ATP9B: variants seen among roughly 807,000 people sequenced by gnomAD.
The protein encoded by ATP9B is ATPase phospholipid transporting 9B.
ATP9B carries 110 observed loss-of-function variants against 146.1 expected under a neutral mutation model. That is an observed-to-expected ratio of 0.75 (90% CI 0.65 to 0.88). The LOEUF is 0.88. Among genes scored for constraint, ATP9B ranks in the 40% least tolerant of loss-of-function variants. The pLI is 0.00. For synonymous variants in ATP9B, 604 were observed against 569.7 expected (o/e 1.06, Z -0.86); for missense variants, 1,499 against 1,496.4 (o/e 1.00, Z -0.03).
At chr18:79,135,967 T>C (rs1270736969) in intron 5 of ATP9B, among the ~76,000 whole-genome samples, 2 of 152,204 alleles carry the variant, frequency 1.3e-5, no homozygotes, top group African/African-American at 4.8e-5. Flanking sequence ...TTCTGCTCCA[T>C]TGATCTGTTT....
chr18:79,154,352 A>T, intron 6 of ATP9B, 152 bp from the exon 7 acceptor site: 1 of 575,562 alleles, frequency 1.7e-6, no homozygotes, highest in South Asian at 2.8e-5. Context: ...TTAAAATATC[A>T]ATTTTTTATA....
chr18:79,081,525 G>C (rs2073259730), intron 1 of ATP9B, among the ~76,000 whole-genome samples: 2 of 151,414 alleles, frequency 1.3e-5, no homozygotes, highest in South Asian at 4.2e-4. Context: ...AGTCTGGCTA[G>C]TGGTCTATCT....
chr18:79,127,519 G>A (rs2094307292), intron 5 of ATP9B, among the ~76,000 whole-genome samples: 1 of 152,182 alleles, frequency 6.6e-6, no homozygotes, highest in Non-Finnish European at 1.5e-5. Context: ...AGGTTCATCT[G>A]GTAGTAGCAT....
intron 8 of ATP9B, among the ~76,000 whole-genome samples, chr18:79,190,621 G>A (rs2095356984): frequency 6.6e-6 from 1 of 151,928 alleles, no homozygotes; most frequent in Non-Finnish European, 1.5e-5. Flanking sequence ...TCGGCTCACT[G>A]CAACCTCTGC....
chr18:79,211,947 C>G (rs1160170121), intron 10 of ATP9B, among the ~76,000 whole-genome samples: 2 of 152,164 alleles, frequency 1.3e-5, no homozygotes, highest in African/African-American at 4.8e-5. Context: ...ATCTTTGTGA[C>G]ATTTATATTT....
chr18:79,191,929 G>A (rs561139566), intron 8 of ATP9B, among the ~76,000 whole-genome samples: 33 of 152,212 alleles, frequency 2.2e-4, no homozygotes, highest in African/African-American at 7.2e-4. Context: ...GATTCTGTTA[G>A]GTTCTCCTGA....
intron 1 of ATP9B, among the ~76,000 whole-genome samples, chr18:79,086,805 T>C (rs919622664): frequency 1.3e-5 from 2 of 152,234 alleles, no homozygotes; most frequent in African/African-American, 4.8e-5. Context: ...ATGATTCCCA[T>C]GGGGGAAATG....
rs747150962 is a variant in ATP9B, at chr18:79,071,398, C to CTTTTTTTTTTTTTTTTTTTTTTT, written c.119+1869_119+1870insTTTTTTTTTTTTTTTTTTTTTTT. ...TATTTCCCCTTTTTCTATTGTTCTTCCTTTTTTTTTTTTTTGAGACAGGGT... is the reference window on the plus strand; with the variant it reads ...TATTTCCCCTTTTTCTATTGTTCTTCTTTTTTTTTTTTTTTTTTTTTTTCTTTTTTTTTTTTTTGAGACAGGGT... On this transcript the variant is annotated intron_variant, in intron 1 of 29. Transcript: ENST00000426216. Among the ~76,000 whole-genome samples the CTTTTTTTTTTTTTTTTTTTTTTT allele has an allele frequency of 2.0e-3, 44 of 22,296 alleles. 1 individual carries two copies. Among genetic ancestry groups the CTTTTTTTTTTTTTTTTTTTTTTT allele is most frequent in the South Asian group, 6.2e-3 (2 of 324 alleles). The allele number at this position is 22,296 out of a possible 152,430, so 14.6% of individuals were successfully genotyped here.
chr18:79,213,881 A>G (rs1389440851), intron 10 of ATP9B, 81 bp from the exon 11 acceptor site: 8 of 1,053,162 alleles, frequency 7.6e-6, no homozygotes, highest in East Asian at 2.8e-5. Flanking sequence ...AATACTTTCC[A>G]TCAAAACAAT....
intron 2 of ATP9B, among the ~76,000 whole-genome samples, chr18:79,105,454 A>G (rs1406063468): frequency 6.6e-6 from 1 of 152,218 alleles, no homozygotes; most frequent in African/African-American, 2.4e-5. Flanking sequence ...TCATTTTAAA[A>G]TTATTATTAA....
At chr18:79,175,269 C>A (rs1423335771) in intron 7 of ATP9B, among the ~76,000 whole-genome samples, 1 of 148,590 alleles carries the variant, frequency 6.7e-6, no homozygotes. Flanking sequence ...GATGAATTCT[C>A]TCTGTGATTA....
At chr18:79,141,569 A>G (rs2094514752) in intron 5 of ATP9B, among the ~76,000 whole-genome samples, 1 of 152,220 alleles carries the variant, frequency 6.6e-6, no homozygotes, top group African/African-American at 2.4e-5. Flanking sequence ...ACTGTATTAG[A>G]GCTTCCTTCT....
At chr18:79,103,392 A>G (rs1398928597) in intron 2 of ATP9B, among the ~76,000 whole-genome samples, 1 of 152,062 alleles carries the variant, frequency 6.6e-6, no homozygotes, top group African/African-American at 2.4e-5. Flanking sequence ...TGTAAGTTGC[A>G]GAGTCCTTAT....
intron 7 of ATP9B, among the ~76,000 whole-genome samples, chr18:79,159,536 T>C (rs2094845887): frequency 6.6e-6 from 1 of 152,166 alleles, no homozygotes; most frequent in East Asian, 1.9e-4. Flanking sequence ...TCCAGCTTTC[T>C]CAGTGTTTCT....
intron 7 of ATP9B, among the ~76,000 whole-genome samples, chr18:79,175,826 G>GCA (rs1364811795): frequency 7.9e-5 from 12 of 151,980 alleles, no homozygotes; most frequent in Non-Finnish European, 1.3e-4. Flanking sequence ...CCATGCACGC[G>GCA]CACACACATA....
At chr18:79,103,751 T>C (rs1052187387) in intron 2 of ATP9B, among the ~76,000 whole-genome samples, 2 of 152,108 alleles carry the variant, frequency 1.3e-5, no homozygotes, top group African/African-American at 2.4e-5. Flanking sequence ...GTATTGAACT[T>C]GGCATAAATT....
chr18:79,109,321 C>T (rs769500537), intron 2 of ATP9B, among the ~76,000 whole-genome samples: 1 of 152,098 alleles, frequency 6.6e-6, no homozygotes, highest in South Asian at 2.1e-4. Context: ...GATACCTTTT[C>T]ATCATTTTCT....
intron 7 of ATP9B, among the ~76,000 whole-genome samples, chr18:79,173,496 T>C (rs1476463482): frequency 1.3e-5 from 2 of 152,026 alleles, no homozygotes; most frequent in African/African-American, 4.8e-5. Flanking sequence ...TTAATTACTG[T>C]ATAAGATGTA....
At chr18:79,171,416 C>A (rs1035743214) in intron 7 of ATP9B, among the ~76,000 whole-genome samples, 1 of 152,062 alleles carries the variant, frequency 6.6e-6, no homozygotes, top group African/African-American at 2.4e-5. Context: ...TATTAGCAAC[C>A]TAAATTGAGA....
Sources: allele counts gnomAD v4.1 joint callset (sites outside exome capture counted in the v4.1 genomes callset), GRCh38; gene constraint gnomAD v4.1.1; transcripts MANE v1.5; gene names NCBI Gene and HGNC (gene_info 2026-07-23, HGNC 2026-07-21).